The following SGCD variants were observed in gnomAD, a reference collection of about 807,000 sequenced individuals.
SGCD encodes delta-sarcoglycan.
In SGCD, 18 loss-of-function variants were observed where a neutral mutation model predicts 36.6. The ratio of observed to expected loss-of-function variants is 0.49; its 90% CI spans 0.34 to 0.73. SGCD has a LOEUF of 0.73. SGCD is among the 30% of genes least tolerant of loss of function. SGCD has a pLI of 0.01. For missense variants in SGCD, 387 were observed against 346.7 expected (o/e 1.12, Z -0.92); for synonymous variants, 133 against 130.6 (o/e 1.02, Z -0.12).
At chr5:156,586,145 C>T (rs1190867147) in intron 4 of SGCD, among the ~76,000 whole-genome samples, 1 of 151,858 alleles carries the variant, frequency 6.6e-6, no homozygotes, top group Non-Finnish European at 1.5e-5. Context: ...CTCATATCTC[C>T]CTACGCTCTT....
intron 3 of SGCD, among the ~76,000 whole-genome samples, chr5:156,174,955 G>A (rs1763430141): frequency 6.6e-6 from 1 of 152,126 alleles, no homozygotes. Context: ...AGTGGTTTGG[G>A]AATAGGATTT....
intron 1 of SGCD, among the ~76,000 whole-genome samples, chr5:156,037,438 C>T (rs1003379670): frequency 1.3e-5 from 2 of 152,180 alleles, no homozygotes; most frequent in Non-Finnish European, 2.9e-5. Context: ...CTTTGCATTC[C>T]CCTGATGGCA....
chr5:156,496,942 A>G (rs1215546161), intron 3 of SGCD, among the ~76,000 whole-genome samples: 1 of 152,132 alleles, frequency 6.6e-6, no homozygotes, highest in African/African-American at 2.4e-5. Context: ...ACTGTAGTAT[A>G]TCCCAACTTC....
intron 7 of SGCD, among the ~76,000 whole-genome samples, chr5:156,713,876 A>C (rs1755107368): frequency 6.6e-6 from 1 of 152,226 alleles, no homozygotes; most frequent in South Asian, 2.1e-4. Flanking sequence ...TGAGCTGCTT[A>C]ATCCTAATCC....
chr5:156,294,842 A>G (rs905996771), intron 3 of SGCD, among the ~76,000 whole-genome samples: 3 of 152,154 alleles, frequency 2.0e-5, no homozygotes, highest in African/African-American at 7.2e-5. Flanking sequence ...CCACTTGGCC[A>G]TAGTTTATAA....
chr5:156,614,570 C>T (rs77107493), intron 6 of SGCD, among the ~76,000 whole-genome samples: 1,719 of 152,328 alleles, frequency 0.011, 33 homozygotes, highest in East Asian at 0.049. Context: ...TCTTCTTTCA[C>T]CTGGTCACTT....
intron 1 of SGCD, among the ~76,000 whole-genome samples, chr5:155,903,653 C>T (rs925256756): frequency 6.6e-5 from 10 of 152,100 alleles, no homozygotes; most frequent in African/African-American, 2.4e-4. Context: ...TTTGATTAGC[C>T]AGTTAAATGA....
the SGCD span, among the ~76,000 whole-genome samples, chr5:155,755,354 A>G: frequency 8.9e-4 from 135 of 152,160 alleles, no homozygotes; most frequent in Non-Finnish European, 1.7e-3. Flanking sequence ...TTGATGTTTT[A>G]TTTCTGTTTG....
the SGCD span, among the ~76,000 whole-genome samples, chr5:155,810,092 A>G: frequency 6.6e-6 from 1 of 152,252 alleles, no homozygotes; most frequent in Non-Finnish European, 1.5e-5. Context: ...GATGTAATGA[A>G]CAAAGAACAC....
chr5:156,414,156 CAA>C (rs1772910993), intron 3 of SGCD, among the ~76,000 whole-genome samples: 2 of 152,160 alleles, frequency 1.3e-5, no homozygotes, highest in Admixed American at 6.5e-5. Flanking sequence ...AAGTAGCACT[CAA>C]TATTTAACTA....
At chr5:155,882,032 G>A (rs1196424802) in intron 1 of SGCD, among the ~76,000 whole-genome samples, 2 of 151,980 alleles carry the variant, frequency 1.3e-5, no homozygotes, top group East Asian at 3.9e-4. Context: ...ATTCATGAGG[G>A]TTAAAATCAA....
rs193922392 is a variant in SGCD, at chr5:156,344,590, G to C, written c.105G>C (p.Leu35=). The part of the protein sequence containing the change: ...VGIYGWRKRC[L]YFFVLLLMIL... ...TTTATGGCTGGCGGAAACGATGCCTGTATTTCTTTGTCCTGCTCCTCATGA... is the reference window on the plus strand; with the variant it reads ...TTTATGGCTGGCGGAAACGATGCCTCTATTTCTTTGTCCTGCTCCTCATGA... Residue 35 remains leucine (L), a synonymous_variant, in exon 3 of 9, where the codon CTG becomes CTC. Coordinates refer to ENST00000337851, the MANE Select transcript of SGCD (RefSeq NM_000337.6). The C allele has an allele frequency of 4.1e-4, 657 of 1,612,480 alleles. 2 individuals are homozygous for C. In the African/African-American group the frequency reaches 7.7e-3, roughly 19 times the overall value.
At chr5:156,393,114 A>G (rs1009598970) in intron 3 of SGCD, among the ~76,000 whole-genome samples, 3 of 152,202 alleles carry the variant, frequency 2.0e-5, no homozygotes, top group Non-Finnish European at 4.4e-5. Context: ...TATCATTTAA[A>G]GGGACCACGC....
chr5:156,402,988 A>G (rs550783793), intron 3 of SGCD, among the ~76,000 whole-genome samples: 2 of 152,336 alleles, frequency 1.3e-5, no homozygotes, highest in East Asian at 3.9e-4. Context: ...ACCATTTGAT[A>G]GCCGCGGTCT....
At chr5:156,014,089 A>G (rs755928452) in intron 1 of SGCD, among the ~76,000 whole-genome samples, 2 of 152,078 alleles carry the variant, frequency 1.3e-5, no homozygotes, top group African/African-American at 4.8e-5. Flanking sequence ...TTTAACATAC[A>G]TAATTATAGA....
At chr5:155,948,597 G>T (rs541718232) in intron 1 of SGCD, among the ~76,000 whole-genome samples, 1 of 152,068 alleles carries the variant, frequency 6.6e-6, no homozygotes, top group African/African-American at 2.4e-5. Flanking sequence ...TACAATAAGC[G>T]GCAATCCTTC....
At chr5:155,805,848 G>A in the SGCD span, among the ~76,000 whole-genome samples, 1 of 152,196 alleles carries the variant, frequency 6.6e-6, no homozygotes, top group African/African-American at 2.4e-5. Context: ...GACAACCACA[G>A]GACTGATGTT....
At chr5:156,147,473 A>C (rs935794021) in intron 3 of SGCD, among the ~76,000 whole-genome samples, 1 of 152,212 alleles carries the variant, frequency 6.6e-6, no homozygotes, top group African/African-American at 2.4e-5. Context: ...CATGTCATAC[A>C]TCTATTACAG....
At chr5:156,472,275 CT>C (rs1755004453) in intron 3 of SGCD, among the ~76,000 whole-genome samples, 1 of 152,072 alleles carries the variant, frequency 6.6e-6, no homozygotes, top group South Asian at 2.1e-4. Context: ...CCAAAAAGGG[CT>C]TTCAAAAGAG....
Sources: allele counts gnomAD v4.1 joint callset (sites outside exome capture counted in the v4.1 genomes callset), GRCh38; gene constraint gnomAD v4.1.1; transcripts MANE v1.5; gene names NCBI Gene and HGNC (gene_info 2026-07-23, HGNC 2026-07-21).